NDST4: variants seen among roughly 807,000 people sequenced by gnomAD.
NDST4 encodes N-heparan sulfate sulfotransferase 4.
In NDST4, 63 loss-of-function variants were observed where a neutral mutation model predicts 100.8. The ratio of observed to expected loss-of-function variants is 0.62; its 90% CI spans 0.51 to 0.77. The LOEUF is 0.77. Ranked by LOEUF, NDST4 falls within the 30% of genes least tolerant of loss-of-function variation. The probability of loss-of-function intolerance (pLI) is 0.00; values close to 1 mark genes in which losing one functional copy is unlikely to be tolerated. For synonymous variants in NDST4, 377 were observed against 361.8 expected (o/e 1.04, Z -0.48); for missense variants, 943 against 1,018.4 (o/e 0.93, Z 1.01).
chr4:114,891,388 T>C (rs1369243598), intron 6 of NDST4, among the ~76,000 whole-genome samples: 2 of 152,094 alleles, frequency 1.3e-5, no homozygotes, highest in Non-Finnish European at 2.9e-5. Context: ...TCTGACTGAA[T>C]ATCTTTAGAT....
At chr4:114,932,055 A>T (rs957622968) in intron 6 of NDST4, among the ~76,000 whole-genome samples, 2 of 151,940 alleles carry the variant, frequency 1.3e-5, no homozygotes, top group Non-Finnish European at 2.9e-5. Context: ...AGAAAATTAC[A>T]GGGTAATATT....
At chr4:115,008,757 G>C (rs1264620958) in intron 2 of NDST4, among the ~76,000 whole-genome samples, 1 of 127,710 alleles carries the variant, frequency 7.8e-6, no homozygotes, top group Non-Finnish European at 1.7e-5. Flanking sequence ...CCTGTTTGCA[G>C]ATGACATGAT....
At chr4:114,832,495 G>T (rs930900484) in intron 12 of NDST4, among the ~76,000 whole-genome samples, 6 of 152,088 alleles carry the variant, frequency 3.9e-5, no homozygotes, top group African/African-American at 1.4e-4. Flanking sequence ...GTATATTTTG[G>T]CTACTTGTTT....
At chr4:114,967,930 C>A (rs1161196170) in intron 4 of NDST4, among the ~76,000 whole-genome samples, 4 of 152,110 alleles carry the variant, frequency 2.6e-5, no homozygotes, top group Non-Finnish European at 4.4e-5. Context: ...ATCCTCCCAG[C>A]AATTCCATGA....
intron 6 of NDST4, among the ~76,000 whole-genome samples, chr4:114,872,401 G>A (rs1023842738): frequency 2.6e-5 from 4 of 151,878 alleles, no homozygotes; most frequent in African/African-American, 9.7e-5. Flanking sequence ...AGGCATATAC[G>A]TCACTGGCCA....
chr4:115,094,211 T>C (rs1729576340), intron 1 of NDST4, among the ~76,000 whole-genome samples: 1 of 152,104 alleles, frequency 6.6e-6, no homozygotes, highest in Non-Finnish European at 1.5e-5. Context: ...TTTATTAAAA[T>C]GTAAGGTTTA....
In NDST4 at chr4:115,008,294, T is replaced by TAAAA. The variant is rs1255403813; in HGVS notation, c.979-31021_979-31020insTTTT. 3.1e-5 allele frequency among the ~76,000 whole-genome samples: 4 copies of TAAAA among 129,558 alleles called. 1 individual carries two copies. The highest frequency in any genetic ancestry group is 6.6e-5 in the Non-Finnish European group (4 of 60,486). 85.0% of individuals were successfully genotyped at this position (129,558 alleles called of 152,430 possible). On this transcript the variant is annotated intron_variant, in intron 2 of 13. Transcript: ENST00000264363. ...CTCTTTAGTTGATGCAGTTTCTTCCTAGACTCGATGGTCTTTACAATTTGG... is the reference window on the plus strand; with the variant it reads ...CTCTTTAGTTGATGCAGTTTCTTCCTAAAAAGACTCGATGGTCTTTACAATTTGG...
chr4:114,888,486 T>C (rs540395215), intron 6 of NDST4, among the ~76,000 whole-genome samples: 1 of 152,312 alleles, frequency 6.6e-6, no homozygotes, highest in African/African-American at 2.4e-5. Flanking sequence ...CCAAAGTAGC[T>C]CTTATATGCT....
chr4:115,010,564 T>A lies in NDST4; in HGVS notation c.979-33290A>T, dbSNP rs1327309090. ...GGTTGGGGGAGGGGGTAGGGATAGC[T>A]TTAAGAGATATACCTTATGCTAAAT... On this transcript the variant is annotated intron_variant, in intron 2 of 13. Coordinates refer to ENST00000264363, the MANE Select transcript of NDST4 (RefSeq NM_022569.3). Among the ~76,000 whole-genome samples, 3 of 128,384 alleles carry A rather than the reference T, an allele frequency of 2.3e-5. 1 individual carries two copies. Among genetic ancestry groups the A allele is most frequent in the African/African-American group, 8.9e-5 (3 of 33,852 alleles). 84.2% of individuals were successfully genotyped at this position (128,384 alleles called of 152,430 possible). A position where few individuals can be genotyped will look rare whatever the true frequency, so the allele number is the denominator to read the frequency against.
intron 4 of NDST4, among the ~76,000 whole-genome samples, chr4:114,939,692 A>AAAG (rs1553955771): frequency 1.3e-5 from 2 of 151,710 alleles, no homozygotes; most frequent in African/African-American, 4.8e-5. Context: ...TTCAAAAAAA[A>AAAG]AAGGTAAAAA....
At chr4:114,928,329 A>G (rs1725426053) in intron 6 of NDST4, among the ~76,000 whole-genome samples, 1 of 152,206 alleles carries the variant, frequency 6.6e-6, no homozygotes, top group African/African-American at 2.4e-5. Context: ...TTAAAATAGT[A>G]ACTCATCATC....
intron 2 of NDST4, among the ~76,000 whole-genome samples, chr4:115,052,820 T>C (rs775265157): frequency 7.2e-5 from 11 of 152,132 alleles, no homozygotes; most frequent in Non-Finnish European, 1.0e-4. Flanking sequence ...CACTGTACAG[T>C]GTTAACACCT....
At chr4:115,084,537 A>G (rs1729369690) in intron 1 of NDST4, among the ~76,000 whole-genome samples, 2 of 152,150 alleles carry the variant, frequency 1.3e-5, no homozygotes, top group Non-Finnish European at 2.9e-5. Context: ...CTAGGAGGAA[A>G]AAATGGATTC....
At chr4:114,836,504 T>A (rs1723308285) in intron 11 of NDST4, among the ~76,000 whole-genome samples, 1 of 152,214 alleles carries the variant, frequency 6.6e-6, no homozygotes, top group Non-Finnish European at 1.5e-5. Context: ...CTGATGGACT[T>A]CCCTTTGTAG....
intron 6 of NDST4, among the ~76,000 whole-genome samples, chr4:114,880,026 A>AAAC (rs138840960): frequency 0.034 from 5,104 of 152,256 alleles, 131 homozygotes; most frequent in Middle Eastern, 0.075. Context: ...GCTAGAGTGT[A>AAAC]AACACCGACC....
At chr4:114,831,042 C>A (rs1321474415) in intron 12 of NDST4, among the ~76,000 whole-genome samples, 5 of 152,072 alleles carry the variant, frequency 3.3e-5, no homozygotes, top group Admixed American at 1.3e-4. Flanking sequence ...CATTTCCAAC[C>A]TGGACTTTTC....
At chr4:114,888,493 T>A (rs1345964812) in intron 6 of NDST4, among the ~76,000 whole-genome samples, 1 of 152,188 alleles carries the variant, frequency 6.6e-6, no homozygotes, top group African/African-American at 2.4e-5. Context: ...AGCTCTTATA[T>A]GCTAGTCTTT....
intron 7 of NDST4, among the ~76,000 whole-genome samples, 172 bp from the exon 8 acceptor site, chr4:114,852,993 C>T (rs1298072548): frequency 6.6e-6 from 1 of 152,106 alleles, no homozygotes; most frequent in Non-Finnish European, 1.5e-5. Context: ...TTATTGACAC[C>T]TTCCTTATCT....
intron 4 of NDST4, among the ~76,000 whole-genome samples, chr4:114,948,656 A>T (rs1028815296): frequency 2.0e-5 from 3 of 152,120 alleles, no homozygotes; most frequent in Non-Finnish European, 4.4e-5. Context: ...ACAAGTTTAC[A>T]GTAAACACCC....
Sources: gnomAD v4.1 joint callset for allele counts (sites outside exome capture counted in the v4.1 genomes callset) on GRCh38, gnomAD v4.1.1 for gene constraint, MANE v1.5 for transcripts, NCBI Gene and HGNC (gene_info 2026-07-23, HGNC 2026-07-21) for gene names.